DUSP22: variants seen among roughly 807,000 people sequenced by gnomAD.
DUSP22 encodes the protein dual specificity protein phosphatase 22.
In DUSP22, 24 loss-of-function variants were observed where a neutral mutation model predicts 24.5. The ratio of observed to expected loss-of-function variants is 0.98; its 90% CI spans 0.71 to 1.38. The LOEUF is 1.38. Among genes scored for constraint, DUSP22 ranks in the 40% most tolerant of loss-of-function variants. The pLI, the probability that DUSP22 is intolerant of heterozygous loss-of-function variation, is 0.00. For missense variants in DUSP22, 330 were observed against 269.2 expected (o/e 1.23, Z -1.58); for synonymous variants, 160 against 106.4 (o/e 1.50, Z -3.10).
intron 3 of DUSP22, among the ~76,000 whole-genome samples, chr6:324,284 G>C (rs563774842): frequency 6.6e-6 from 1 of 152,302 alleles, no homozygotes; most frequent in Non-Finnish European, 1.5e-5. Context: ...AGCGGCAGGC[G>C]TGGAGAGGGT....
intron 2 of DUSP22, among the ~76,000 whole-genome samples, 189 bp from the exon 3 acceptor site, chr6:311,691 A>G (rs1758106350): frequency 6.6e-6 from 1 of 152,296 alleles, no homozygotes; most frequent in South Asian, 2.1e-4. Flanking sequence ...AAAAAAAACA[A>G]AAGAAATAAA....
rs868266668 is a variant in DUSP22, at chr6:320,101, T to G, written c.138+8139T>G. 3 of 152,588 alleles carry G rather than the reference T, an allele frequency of 2.0e-5. No homozygotes were observed. The South Asian group carries it at 6.2e-4, about 32-fold the overall frequency. 9.5% of individuals were successfully genotyped at this position (152,588 alleles called of 1,614,324 possible). On this transcript the variant is annotated intron_variant, in intron 3 of 6. Coordinates refer to ENST00000419235, the MANE Select transcript of DUSP22 (RefSeq NM_001286555.3). ...CCTGCATGGCTGGACTCAGAGGGCT[T>G]GAGATCTTCCAGTACTTAACTGAGT...
chr6:333,600 T>C (rs1464134263), intron 3 of DUSP22, among the ~76,000 whole-genome samples: 1 of 152,302 alleles, frequency 6.6e-6, no homozygotes, highest in East Asian at 1.9e-4. Context: ...GAAACAGCTT[T>C]TACTAAGAGA....
In DUSP22 at chr6:349,253, G is replaced by A. The variant is rs1561685775; in HGVS notation, c.*302G>A. ...TGTGTGGGTGACTAAGTGGATGCAT[G>A]TGTGTGCCTGTGTGAGTGAGGGTAT... On this transcript the variant is annotated 3_prime_UTR_variant, in exon 7 of 7. Transcript: ENST00000419235. The A allele has an allele frequency of 6.7e-6, 9 of 1,339,016 alleles. No homozygotes were observed. In the Admixed American group the frequency reaches 1.6e-4, roughly 24 times the overall value. 82.9% of individuals were successfully genotyped at this position (1,339,016 alleles called of 1,614,324 possible). A position where few individuals can be genotyped will look rare whatever the true frequency, so the allele number is the denominator to read the frequency against.
intron 3 of DUSP22, among the ~76,000 whole-genome samples, chr6:329,968 C>T (rs1338068481): frequency 6.6e-6 from 1 of 152,030 alleles, no homozygotes; most frequent in African/African-American, 2.4e-5. Context: ...GAAAGTCGCT[C>T]TTGAGAGTTC....
chr6:315,673 A>G (rs1218761863), intron 3 of DUSP22, among the ~76,000 whole-genome samples: 1 of 152,310 alleles, frequency 6.6e-6, no homozygotes, highest in African/African-American at 2.4e-5. Context: ...TTAATTAGCA[A>G]GATTTTTGCT....
intron 5 of DUSP22, among the ~76,000 whole-genome samples, 167 bp downstream of exon 5, chr6:346,095 C>G (rs376529876): frequency 2.6e-5 from 4 of 152,412 alleles, no homozygotes; most frequent in Admixed American, 6.5e-5. Context: ...GTTAGTCGCC[C>G]TTTCCTTCTG....
intron 4 of DUSP22, among the ~76,000 whole-genome samples, chr6:342,269 G>A (rs1375428028): frequency 2.0e-5 from 3 of 152,428 alleles, no homozygotes; most frequent in Admixed American, 6.5e-5. Context: ...TGGCTGCTCT[G>A]CGTACAGACA....
intron 4 of DUSP22, among the ~76,000 whole-genome samples, chr6:341,959 CCACAATAT>C (rs1200812192): frequency 1.7e-5 from 1 of 58,664 alleles, no homozygotes; most frequent in African/African-American, 8.7e-5. Context: ...AGGTTCAACC[CCACAATAT>C]GTAAGAAGCC....
At chr6:299,115 A>G (rs1757469325) in intron 1 of DUSP22, among the ~76,000 whole-genome samples, 2 of 152,308 alleles carry the variant, frequency 1.3e-5, no homozygotes, top group African/African-American at 2.4e-5. Context: ...TTACTTCAGC[A>G]TAGTGGGACA....
At chr6:308,727 G>T (rs1411133426) in intron 2 of DUSP22, among the ~76,000 whole-genome samples, 3 of 152,298 alleles carry the variant, frequency 2.0e-5, no homozygotes, top group Non-Finnish European at 2.9e-5. Flanking sequence ...GTGCAGCCTT[G>T]TGAACGTATG....
rs1348994767 is a variant in DUSP22, at chr6:348,933, T to G, written c.600T>G (p.Asn200Lys). The part of the protein sequence containing the change: ...FPALAPLTYD[N>K]YTTET ...CACTGGCTCCGCTGACCTACGATAA[T>G]TATACGACGGAGACCTAACGCAAGC... The change falls in exon 7 of 7, where the codon AAT becomes AAG. Residue 200 changes from asparagine to lysine, a missense_variant. Transcript: ENST00000419235. 8.1e-6 allele frequency: 13 copies of G among 1,606,208 alleles called. No individual in the cohort carries two copies. The highest frequency in any genetic ancestry group is 1.1e-5 in the Non-Finnish European group (13 of 1,175,802).
rs750316438 is a variant in DUSP22 at position 311,975 on chromosome 6, C to G, written c.138+13C>G. 2.2e-5 allele frequency: 36 copies of G among 1,607,356 alleles called. No individual in the cohort carries two copies. The highest frequency in any genetic ancestry group is 3.3e-4 in the Middle Eastern group (2 of 6,054). On this transcript the variant is annotated intron_variant, in intron 3 of 6. Coordinates refer to ENST00000419235, the MANE Select transcript of DUSP22 (RefSeq NM_001286555.3). ...GCCTATGTTGGAGGTAAGAGAGCACCGTGGGGCGTGTGTGGGTGTCCTCAT... is the reference window on the plus strand; with the variant it reads ...GCCTATGTTGGAGGTAAGAGAGCACGGTGGGGCGTGTGTGGGTGTCCTCAT...
At chr6:311,851 A>C (rs530038011) in intron 2 of DUSP22, 29 bp from the exon 3 acceptor site, 1 of 1,603,554 alleles carries the variant, frequency 6.2e-7, no homozygotes, top group Non-Finnish European at 8.5e-7. Context: ...AAAGATATCA[A>C]AATGTCCATC....
intron 2 of DUSP22, among the ~76,000 whole-genome samples, chr6:305,974 AT>A: frequency 6.6e-6 from 1 of 152,428 alleles, no homozygotes; most frequent in African/African-American, 2.4e-5. Flanking sequence ...ACACACCCGT[AT>A]CCCCCCAGCT....
intron 1 of DUSP22, among the ~76,000 whole-genome samples, chr6:297,495 G>A (rs960081805): frequency 9.8e-5 from 15 of 152,300 alleles, no homozygotes; most frequent in Non-Finnish European, 1.6e-4. Context: ...TTCCTCAACG[G>A]CTACACCTGT....
intron 1 of DUSP22, among the ~76,000 whole-genome samples, chr6:297,313 A>C (rs1317828467): frequency 2.0e-5 from 3 of 152,310 alleles, no homozygotes; most frequent in African/African-American, 7.2e-5. Flanking sequence ...GGAATTTATT[A>C]GAACACATTT....
chr6:305,347 G>A (rs1413946495), intron 2 of DUSP22, among the ~76,000 whole-genome samples: 1 of 152,308 alleles, frequency 6.6e-6, no homozygotes, highest in Non-Finnish European at 1.5e-5. Flanking sequence ...ACACCTGTTG[G>A]AACATTATCA....
intron 3 of DUSP22, among the ~76,000 whole-genome samples, chr6:330,343 G>C (rs907436020): frequency 3.3e-5 from 5 of 152,304 alleles, no homozygotes; most frequent in Admixed American, 2.0e-4. Context: ...GGTTTCTGTT[G>C]GCTTTGAGAG....
Sources: allele counts gnomAD v4.1 joint callset (sites outside exome capture counted in the v4.1 genomes callset), GRCh38; gene constraint gnomAD v4.1.1; transcripts MANE v1.5; gene names NCBI Gene and HGNC (gene_info 2026-07-23, HGNC 2026-07-21).